The following CAST variants were observed in gnomAD, a reference collection of about 807,000 sequenced individuals.
CAST encodes the protein MIR583 host.
CAST carries 76 observed loss-of-function variants against 119.6 expected under a neutral mutation model. The observed-to-expected ratio is 0.64, with a 90% CI of 0.53 to 0.77. The LOEUF (loss-of-function observed/expected upper bound fraction) is 0.77, where lower values mean the gene tolerates loss of function less well. Ranked by LOEUF, CAST falls within the 30% of genes least tolerant of loss-of-function variation. The pLI, the probability that CAST is intolerant of heterozygous loss-of-function variation, is 0.00. For missense variants in CAST, 953 were observed against 946.5 expected, an observed-to-expected ratio of 1.01 and a Z score of -0.09; for synonymous variants, 319 against 331.6, an observed-to-expected ratio of 0.96 and a Z score of 0.41.
chr5:96,178,112 C>T, the CAST span, among the ~76,000 whole-genome samples: 2 of 152,144 alleles, frequency 1.3e-5, no homozygotes, highest in Admixed American at 6.5e-5. Flanking sequence ...GAACTGGAAA[C>T]ATTTGTCCAA....
chr5:96,527,864 G>T (rs1296379306), upstream of CAST, among the ~76,000 whole-genome samples: 1 of 152,150 alleles, frequency 6.6e-6, no homozygotes, highest in Non-Finnish European at 1.5e-5. Context: ...GAGGCATTTT[G>T]AGCCAAGAGT....
chr5:96,019,881 G>A, the CAST span, among the ~76,000 whole-genome samples: 1 of 152,152 alleles, frequency 6.6e-6, no homozygotes, highest in African/African-American at 2.4e-5. Flanking sequence ...ATGCTTTTGA[G>A]TAAATGCGAT....
chr5:96,258,616 T>C, the CAST span, among the ~76,000 whole-genome samples: 7 of 152,166 alleles, frequency 4.6e-5, no homozygotes, highest in Non-Finnish European at 8.8e-5. Flanking sequence ...TTCTGGTACA[T>C]GACACATTAA....
At chr5:96,215,659 C>G in the CAST span, 2 of 152,162 alleles carry the variant, frequency 1.3e-5, no homozygotes, top group Non-Finnish European at 2.9e-5. Context: ...CTTCTTCTGC[C>G]TCAACCACTC....
rs575993240 is a variant in CAST at position 96,682,402 on chromosome 5, C to A, written c.138+6801C>A. On this transcript the variant is annotated intron_variant, in intron 2 of 31. Transcript: ENST00000675179. ...TGTGTCCCCTTCTTATCCTCTCTTA[C>A]CTCTTTGTCTCACTCCATTATCATT... Among the ~76,000 whole-genome samples, 7 of 152,298 alleles carry A rather than the reference C, an allele frequency of 4.6e-5. No individual in the cohort carries two copies. In the South Asian group the frequency reaches 1.5e-3, roughly 32 times the overall value.
chr5:95,968,826 A>C, the CAST span, among the ~76,000 whole-genome samples: 1 of 152,128 alleles, frequency 6.6e-6, no homozygotes. Context: ...AACCAATATG[A>C]CCCTTATAGG....
intron 1 of CAST, among the ~76,000 whole-genome samples, chr5:96,619,561 C>T (rs1231543609): frequency 6.6e-6 from 1 of 152,192 alleles, no homozygotes; most frequent in Non-Finnish European, 1.5e-5. Context: ...TTGCTTTTTG[C>T]AATAAATCTT....
the CAST span, among the ~76,000 whole-genome samples, chr5:96,176,344 A>G: frequency 6.6e-6 from 1 of 152,250 alleles, no homozygotes; most frequent in Admixed American, 6.5e-5. Flanking sequence ...TTTTAGGCTG[A>G]GGAAAAGGAC....
At chr5:96,651,681 G>A (rs1029993932) in intron 1 of CAST, among the ~76,000 whole-genome samples, 2 of 152,144 alleles carry the variant, frequency 1.3e-5, no homozygotes, top group African/African-American at 4.8e-5. Flanking sequence ...CTTTCAAACT[G>A]GCATTAGACC....
chr5:96,571,982 G>A (rs921598607), intron 1 of CAST, among the ~76,000 whole-genome samples: 7 of 152,186 alleles, frequency 4.6e-5, no homozygotes, highest in Non-Finnish European at 8.8e-5. Context: ...TAGAATGAAT[G>A]AATGGACACA....
the CAST span, among the ~76,000 whole-genome samples, chr5:96,477,030 CTAT>C: frequency 6.8e-6 from 1 of 146,094 alleles, no homozygotes; most frequent in Admixed American, 6.9e-5. Context: ...AGTTGTTGAT[CTAT>C]CTAGTAACTA....
chr5:96,159,268 C>T, the CAST span, among the ~76,000 whole-genome samples: 479 of 152,288 alleles, frequency 3.1e-3, 1 homozygote, highest in Non-Finnish European at 3.8e-3. Flanking sequence ...TGAGTCAACA[C>T]CCTCTCCTGG....
chr5:96,342,144 T>A, the CAST span, among the ~76,000 whole-genome samples: 1 of 152,204 alleles, frequency 6.6e-6, no homozygotes, highest in Non-Finnish European at 1.5e-5. Flanking sequence ...AGGTGTGCCC[T>A]CCTGGACATT....
the CAST span, among the ~76,000 whole-genome samples, chr5:95,964,574 A>G: frequency 1.1e-4 from 17 of 152,260 alleles, no homozygotes; most frequent in Non-Finnish European, 2.2e-4. Flanking sequence ...GGTTTAATGG[A>G]GGTGATAGAA....
the CAST span, among the ~76,000 whole-genome samples, chr5:96,307,940 TC>T: frequency 2.0e-5 from 3 of 152,170 alleles, no homozygotes; most frequent in African/African-American, 7.2e-5. Flanking sequence ...TTGGGATTGC[TC>T]TTCTTGAAGA....
At chr5:95,962,257 T>A in the CAST span, among the ~76,000 whole-genome samples, 5 of 152,188 alleles carry the variant, frequency 3.3e-5, no homozygotes, top group Non-Finnish European at 4.4e-5. Context: ...ACGCGGGTGG[T>A]CCTTGGAGAG....
the CAST span, among the ~76,000 whole-genome samples, chr5:96,366,057 C>T: frequency 0.012 from 1,769 of 152,172 alleles, 32 homozygotes; most frequent in African/African-American, 0.04. Context: ...TGCTTGTCTG[C>T]AAAGTATTTT....
the CAST span, among the ~76,000 whole-genome samples, chr5:96,075,790 A>C: frequency 6.6e-6 from 1 of 152,278 alleles, no homozygotes; most frequent in African/African-American, 2.4e-5. Flanking sequence ...CTGCATGTTT[A>C]TTTCATGGGT....
chr5:96,127,165 C>T, the CAST span, among the ~76,000 whole-genome samples: 1 of 152,050 alleles, frequency 6.6e-6, no homozygotes, highest in African/African-American at 2.4e-5. Context: ...TTTGCAATCA[C>T]CTCTGATAAT....
Sources: allele counts gnomAD v4.1 joint callset (sites outside exome capture counted in the v4.1 genomes callset), GRCh38; gene constraint gnomAD v4.1.1; transcripts MANE v1.5; gene names NCBI Gene and HGNC (gene_info 2026-07-23, HGNC 2026-07-21).